CPPED1: variants seen among roughly 807,000 people sequenced by gnomAD.
CPPED1 encodes serine/threonine-protein phosphatase CPPED1.
A neutral mutation model predicts 28.0 loss-of-function variants in CPPED1; 28 were observed. That is an observed-to-expected ratio of 1.00 (90% confidence interval 0.74 to 1.37). The LOEUF is 1.37. CPPED1 is among the 40% of genes most tolerant of loss of function. The pLI is 0.00. For missense variants in CPPED1, 504 were observed against 416.5 expected (o/e 1.21, Z -1.83); for synonymous variants, 198 against 180.2 (o/e 1.10, Z -0.79).
intron 2 of CPPED1, among the ~76,000 whole-genome samples, chr16:12,755,924 G>A (rs113792232): frequency 1.6e-4 from 24 of 152,252 alleles, no homozygotes; most frequent in African/African-American, 5.8e-4. Flanking sequence ...CCTGAGGTCA[G>A]GAGATGACCA....
intron 3 of CPPED1, among the ~76,000 whole-genome samples, chr16:12,667,238 C>T (rs893454555): frequency 2.0e-5 from 3 of 152,150 alleles, no homozygotes; most frequent in Non-Finnish European, 4.4e-5. Flanking sequence ...CAATTGGGAA[C>T]ACAAATTCAC....
intron 2 of CPPED1, among the ~76,000 whole-genome samples, chr16:12,772,498 A>C (rs2080475648): frequency 6.6e-6 from 1 of 152,150 alleles, no homozygotes; most frequent in South Asian, 2.1e-4. Context: ...CTTTATCTAT[A>C]GCAAATATCA....
At chr16:12,720,224 A>G (rs1457322454) in intron 2 of CPPED1, 2 of 154,156 alleles carry the variant, frequency 1.3e-5, no homozygotes, top group East Asian at 1.9e-4. Flanking sequence ...AGATAAATCA[A>G]TCAGAGCAGT....
At chr16:12,759,617 G>A (rs985013467) in intron 2 of CPPED1, among the ~76,000 whole-genome samples, 1 of 152,224 alleles carries the variant, frequency 6.6e-6, no homozygotes, top group African/African-American at 2.4e-5. Flanking sequence ...TGTCAAGGGA[G>A]GGACCTGGTG....
intron 2 of CPPED1, among the ~76,000 whole-genome samples, chr16:12,734,156 G>A (rs1313077950): frequency 7.6e-6 from 1 of 132,054 alleles, no homozygotes; most frequent in Non-Finnish European, 1.5e-5. Context: ...TGCAACCTCT[G>A]CTTCCCGGGT....
chr16:12,771,287 G>C (rs1186805550), intron 2 of CPPED1, among the ~76,000 whole-genome samples: 1 of 152,200 alleles, frequency 6.6e-6, no homozygotes, highest in Non-Finnish European at 1.5e-5. Flanking sequence ...ATACAGATTT[G>C]TTAAATAAAT....
chr16:12,802,573 C>A (rs6498357), intron 1 of CPPED1, among the ~76,000 whole-genome samples: 6,831 of 152,212 alleles, frequency 0.045, 523 homozygotes, highest in African/African-American at 0.16. Context: ...TGCACTCCAG[C>A]CTGGGCAATA....
intron 2 of CPPED1, among the ~76,000 whole-genome samples, chr16:12,737,892 C>T (rs1015116410): frequency 6.6e-6 from 1 of 152,180 alleles, no homozygotes; most frequent in Non-Finnish European, 1.5e-5. Flanking sequence ...GGACCCCTGC[C>T]TGCAAAACCG....
intron 2 of CPPED1, among the ~76,000 whole-genome samples, chr16:12,747,849 C>G (rs978762165): frequency 3.9e-5 from 6 of 152,144 alleles, no homozygotes; most frequent in Non-Finnish European, 8.8e-5. Context: ...TTAAATATAA[C>G]ATATAACCCA....
At chr16:12,721,431 G>T (rs2080139314) in intron 2 of CPPED1, among the ~76,000 whole-genome samples, 1 of 152,082 alleles carries the variant, frequency 6.6e-6, no homozygotes, top group Admixed American at 6.6e-5. Context: ...CTGCTTGCTG[G>T]AACTAGGAGT....
intron 1 of CPPED1, among the ~76,000 whole-genome samples, chr16:12,787,193 G>A (rs541108682): frequency 1.3e-5 from 2 of 152,126 alleles, no homozygotes; most frequent in South Asian, 4.2e-4. Context: ...AAATATGTGT[G>A]GAAGGAATAA....
At chr16:12,740,478 C>T (rs35908509) in intron 2 of CPPED1, among the ~76,000 whole-genome samples, 85,353 of 151,520 alleles carry the variant, frequency 0.56, 24,192 homozygotes, top group Admixed American at 0.63. Context: ...TTTAAAAACC[C>T]GTAGCCAAAA....
chr16:12,666,953 T>C (rs185987498), intron 3 of CPPED1, among the ~76,000 whole-genome samples: 1 of 151,634 alleles, frequency 6.6e-6, no homozygotes, highest in East Asian at 1.9e-4. Flanking sequence ...CCTGAGAGTC[T>C]AGGAAGGAAG....
chr16:12,800,643 G>A (rs1337318426), intron 1 of CPPED1, among the ~76,000 whole-genome samples: 3 of 152,102 alleles, frequency 2.0e-5, no homozygotes, highest in Non-Finnish European at 4.4e-5. Context: ...GAAACCTCTT[G>A]ATGCTATTAG....
At position 12,682,089 on chromosome 16, in the gene CPPED1, A is replaced by G. The variant is rs1254355319; in HGVS notation, c.716-16974T>C. On this transcript the variant is annotated intron_variant, in intron 3 of 3. Transcript: ENST00000381774. The surrounding 1 kb of genome is among the most constrained non-coding windows in gnomAD (Gnocchi z 6.1). ...CTCTCGGTCGCCTATGTTGGAGTGC[A>G]GTGGCGCGATCTTGGCTCACTGCAA... Among the ~76,000 whole-genome samples the G allele has an allele frequency of 6.6e-6, 1 of 152,064 alleles. No homozygotes were observed. Among genetic ancestry groups the G allele is most frequent in the African/African-American group, 2.4e-5 (1 of 41,384 alleles).
chr16:12,708,157 T>C (rs2080061328), intron 2 of CPPED1, among the ~76,000 whole-genome samples: 1 of 150,108 alleles, frequency 6.7e-6, no homozygotes, highest in Admixed American at 6.6e-5. Context: ...AAAAAAATTA[T>C]TTATTTATTT....
At chr16:12,675,100 G>C (rs2079871455) in intron 3 of CPPED1, among the ~76,000 whole-genome samples, 1 of 152,178 alleles carries the variant, frequency 6.6e-6, no homozygotes, top group African/African-American at 2.4e-5. Context: ...CTTTCTATTA[G>C]CTTTTGATAG....
intron 2 of CPPED1, among the ~76,000 whole-genome samples, chr16:12,774,424 T>C (rs1223581476): frequency 2.6e-5 from 4 of 151,420 alleles, no homozygotes; most frequent in African/African-American, 9.7e-5. Context: ...GCCGAGATCA[T>C]GCCACTGCAC....
chr16:12,721,753 TAAAAAAA>T (rs200876974), intron 2 of CPPED1, among the ~76,000 whole-genome samples: 82 of 131,904 alleles, frequency 6.2e-4, no homozygotes, highest in Middle Eastern at 4.1e-3. Context: ...GATTCCGTCT[TAAAAAAA>T]AAAAAAAGGC....
Sources: gnomAD v4.1 joint callset for allele counts (sites outside exome capture counted in the v4.1 genomes callset) on GRCh38, gnomAD v4.1.1 for gene constraint, Gnocchi (gnomAD v3.1) non-coding constraint, MANE v1.5 for transcripts, NCBI Gene and HGNC (gene_info 2026-07-23, HGNC 2026-07-21) for gene names.